MICAL3: variants seen among roughly 807,000 people sequenced by gnomAD.
MICAL3 encodes the protein [F-actin]-monooxygenase MICAL3.
A neutral mutation model predicts 207.4 loss-of-function variants in MICAL3; 62 were observed. The ratio of observed to expected loss-of-function variants is 0.30; its 90% confidence interval spans 0.24 to 0.37. MICAL3 has a LOEUF of 0.37. Ranked by LOEUF, MICAL3 falls within the 10% of genes least tolerant of loss-of-function variation. The pLI, the probability that MICAL3 is intolerant of heterozygous loss-of-function variation, is 1.00. For synonymous variants in MICAL3, 1,077 were observed against 1,069.3 expected (o/e 1.01, Z -0.14); for missense variants, 2,368 against 2,635.6 (o/e 0.90, Z 2.22).
intron 1 of MICAL3, among the ~76,000 whole-genome samples, chr22:17,977,190 T>C (rs549598405): frequency 6.6e-6 from 1 of 152,062 alleles, no homozygotes; most frequent in African/African-American, 2.4e-5. Context: ...AAATTTGACA[T>C]CACCAAAATT....
At chr22:17,791,326 G>C (rs451548) in intron 29 of MICAL3, 25 bp from the exon 30 acceptor site, 422,868 of 1,593,040 alleles carry the variant, frequency 0.27, 56,881 homozygotes, top group Middle Eastern at 0.33. Context: ...CTTGTGTCGG[G>C]TGCAGGGAGT....
At chr22:17,810,910 C>T (rs1408048824) in intron 27 of MICAL3, 97 bp from the exon 28 acceptor site, 1 of 915,500 alleles carries the variant, frequency 1.1e-6, no homozygotes, top group African/African-American at 1.6e-5. Context: ...GTCTGTCCCC[C>T]ATGTCGGAGC....
intron 1 of MICAL3, among the ~76,000 whole-genome samples, chr22:17,993,295 G>T (rs1921904338): frequency 6.6e-6 from 1 of 151,762 alleles, no homozygotes; most frequent in South Asian, 2.1e-4. Context: ...TACATGTGCA[G>T]AACGTGCAGG....
At chr22:17,820,814 ATAT>A (rs929847575) in intron 25 of MICAL3, among the ~76,000 whole-genome samples, 6 of 148,198 alleles carry the variant, frequency 4.0e-5, no homozygotes, top group African/African-American at 9.8e-5. Context: ...CATAAAAATT[ATAT>A]TATTTTTAAT....
At chr22:17,798,052 C>G (rs1167851538) in intron 29 of MICAL3, among the ~76,000 whole-genome samples, 1 of 152,232 alleles carries the variant, frequency 6.6e-6, no homozygotes, top group Non-Finnish European at 1.5e-5. Context: ...CTTCTAGAGC[C>G]CAGAGGCCCC....
At chr22:17,934,579 T>C (rs890739904) in intron 1 of MICAL3, among the ~76,000 whole-genome samples, 3 of 152,276 alleles carry the variant, frequency 2.0e-5, no homozygotes, top group South Asian at 2.1e-4. Flanking sequence ...ACCACTCCTA[T>C]TCAACACAGT....
In MICAL3 at chr22:17,847,865, A is replaced by G. The variant is rs955689590; in HGVS notation, c.2606-5848T>C. On this transcript the variant is annotated intron_variant, in intron 19 of 31. Coordinates refer to ENST00000441493, the MANE Select transcript of MICAL3 (RefSeq NM_015241.3). ...GTTTTTGTAGGAATAGGGTCTCGCT[A>G]TGTTGCCCAGGCTGGTCTTGAACTC... Among the ~76,000 whole-genome samples, 17 of 152,108 alleles carry G rather than the reference A, an allele frequency of 1.1e-4. 2 individuals carry two copies. Among genetic ancestry groups the G allele is most frequent in the Admixed American group, 5.2e-4 (8 of 15,268 alleles).
At chr22:17,999,046 C>T (rs908062895) in intron 1 of MICAL3, among the ~76,000 whole-genome samples, 1 of 152,208 alleles carries the variant, frequency 6.6e-6, no homozygotes, top group East Asian at 1.9e-4. Context: ...CCCAGCAAAG[C>T]TAGCACTCTG....
intron 1 of MICAL3, among the ~76,000 whole-genome samples, chr22:17,957,847 G>A (rs912930548): frequency 5.3e-5 from 8 of 152,150 alleles, no homozygotes; most frequent in African/African-American, 1.9e-4. Context: ...CAGGGAGCCT[G>A]GAGAGATCCC....
At chr22:17,823,719 C>A (rs8138398) in intron 22 of MICAL3, among the ~76,000 whole-genome samples, 1 of 152,142 alleles carries the variant, frequency 6.6e-6, no homozygotes, top group Non-Finnish European at 1.5e-5. Flanking sequence ...TGTCCCATCC[C>A]CAAGATCTCT....
At chr22:17,936,685 A>G (rs547492518) in intron 1 of MICAL3, among the ~76,000 whole-genome samples, 1 of 152,224 alleles carries the variant, frequency 6.6e-6, no homozygotes, top group Admixed American at 6.5e-5. Flanking sequence ...AGGCTTAAAA[A>G]TATCTGTGGA....
chr22:17,812,519 T>G, intron 27 of MICAL3: 31 of 985,872 alleles, frequency 3.1e-5, no homozygotes, highest in Non-Finnish European at 3.6e-5. Flanking sequence ...TTGATGCACA[T>G]GATCTCCTGA....
chr22:17,893,013 T>G (rs1316219380), intron 11 of MICAL3, among the ~76,000 whole-genome samples: 5 of 152,172 alleles, frequency 3.3e-5, no homozygotes, highest in Non-Finnish European at 5.9e-5. Context: ...GATCACAATG[T>G]GAGGTAGACA....
chr22:17,949,397 A>G (rs189804997), intron 1 of MICAL3, among the ~76,000 whole-genome samples: 1 of 152,226 alleles, frequency 6.6e-6, no homozygotes, highest in East Asian at 1.9e-4. Context: ...ATGTTACCTC[A>G]CTGTAGAAAT....
chr22:18,007,724 C>A (rs999158659), intron 1 of MICAL3, among the ~76,000 whole-genome samples: 1 of 151,234 alleles, frequency 6.6e-6, no homozygotes, highest in African/African-American at 2.4e-5. Context: ...GAGGCCGAGG[C>A]GGGTGGATCA....
At chr22:17,836,749 A>G (rs1923424204) in intron 20 of MICAL3, among the ~76,000 whole-genome samples, 1 of 150,404 alleles carries the variant, frequency 6.6e-6, no homozygotes, top group South Asian at 2.1e-4. Flanking sequence ...GGTTCACGCC[A>G]TTCTCCTGCC....
At chr22:17,857,225 A>C (rs1158211789) in intron 19 of MICAL3, among the ~76,000 whole-genome samples, 2 of 152,088 alleles carry the variant, frequency 1.3e-5, no homozygotes, top group African/African-American at 4.8e-5. Context: ...GCAGGAGGGG[A>C]GTGGCTGGCT....
chr22:17,862,982 G>T (rs374638045), intron 19 of MICAL3: 22 of 985,386 alleles, frequency 2.2e-5, no homozygotes, highest in Non-Finnish European at 2.5e-5. Context: ...GGACAGAGAC[G>T]TCCTCAGGGC....
chr22:18,011,108 A>G (rs1923690955), intron 1 of MICAL3, among the ~76,000 whole-genome samples: 1 of 152,158 alleles, frequency 6.6e-6, no homozygotes, highest in Non-Finnish European at 1.5e-5. Flanking sequence ...TGTGAGCACC[A>G]GCAATTGCAG....
Sources: allele counts gnomAD v4.1 joint callset (sites outside exome capture counted in the v4.1 genomes callset), GRCh38; gene constraint gnomAD v4.1.1; transcripts MANE v1.5; gene names NCBI Gene and HGNC (gene_info 2026-07-23, HGNC 2026-07-21).